Variants in ZBTB20 observed in about 807,000 individuals in gnomAD.
The protein encoded by ZBTB20 is zinc finger and BTB domain-containing protein 20.
ZBTB20 carries 9 observed loss-of-function variants against 56.9 expected under a neutral mutation model. The observed-to-expected ratio is 0.16, with a 90% CI of 0.10 to 0.28. ZBTB20 has a LOEUF of 0.28. Ranked by LOEUF, ZBTB20 falls within the 10% of genes least tolerant of loss-of-function variation. The pLI is 1.00. For synonymous variants in ZBTB20, 417 were observed against 420.7 expected, an observed-to-expected ratio of 0.99 and a Z score of 0.11; for missense variants, 655 against 1,003.0, an observed-to-expected ratio of 0.65 and a Z score of 4.69.
Position 114,350,806 on chromosome 3 carries a change from G to T in ZBTB20, c.1272C>A (p.Asn424Lys), listed in dbSNP as rs780910146. 1.2e-5 allele frequency: 20 copies of T among 1,613,832 alleles called. No homozygotes were observed. Among genetic ancestry groups the T allele is most frequent in the Non-Finnish European group, 1.6e-5 (19 of 1,180,024 alleles). ...GAGAGGAAGCACCTGTTTCTAGCTG[G>T]TTTGTCTGCGGACCACCCTCAGCGG... is the stretch of plus-strand genomic sequence containing the variant. Reference protein sequence around the residue: ...EAPAEGGPQTNQLETGASSPE... With the variant: ...EAPAEGGPQTKQLETGASSPE... The change falls in exon 11 of 12, where the codon AAC (asparagine) becomes AAA (lysine). Residue 424 changes from asparagine to lysine, a missense_variant. Physicochemically the swap from Asn to Lys is moderately conservative, Grantham distance 94. Transcript: ENST00000675478.
intron 1 of ZBTB20, among the ~76,000 whole-genome samples, chr3:115,076,444 T>A (rs1276298533): frequency 2.0e-5 from 3 of 152,092 alleles, no homozygotes; most frequent in African/African-American, 7.2e-5. Flanking sequence ...GTGTCAAGAA[T>A]ACACAATGAG....
chr3:114,372,434 G>C (rs1021592471), intron 10 of ZBTB20, among the ~76,000 whole-genome samples: 1 of 152,144 alleles, frequency 6.6e-6, no homozygotes, highest in Non-Finnish European at 1.5e-5. Flanking sequence ...TTTTATAAGA[G>C]GACAGACTGT....
At chr3:115,146,000 G>C (rs568913298) in intron 1 of ZBTB20, among the ~76,000 whole-genome samples, 1 of 152,190 alleles carries the variant, frequency 6.6e-6, no homozygotes, top group African/African-American at 2.4e-5. Flanking sequence ...CACCCTTTTG[G>C]TATTTTTAAT....
At chr3:114,374,032 TA>T (rs1183101733) in intron 10 of ZBTB20, among the ~76,000 whole-genome samples, 1 of 151,432 alleles carries the variant, frequency 6.6e-6, no homozygotes, top group Non-Finnish European at 1.5e-5. Flanking sequence ...TTAGAGCAAA[TA>T]AAAAAAACGA....
chr3:114,887,732 G>A (rs4682553), intron 4 of ZBTB20, among the ~76,000 whole-genome samples: 58,770 of 151,884 alleles, frequency 0.39, 12,772 homozygotes, highest in East Asian at 0.78. Context: ...AATTTCTGTC[G>A]TTTTTAAGTC....
At chr3:114,800,889 G>A (rs2071654953) in intron 5 of ZBTB20, among the ~76,000 whole-genome samples, 1 of 151,676 alleles carries the variant, frequency 6.6e-6, no homozygotes, top group African/African-American at 2.4e-5. Flanking sequence ...CCAGCCAAAA[G>A]AAAGGATTCA....
chr3:115,118,822 G>A (rs886998255), intron 1 of ZBTB20, among the ~76,000 whole-genome samples: 3 of 143,474 alleles, frequency 2.1e-5, no homozygotes, highest in South Asian at 2.3e-4. Flanking sequence ...CCGGGCTCAC[G>A]CCAAGTACAA....
intron 7 of ZBTB20, among the ~76,000 whole-genome samples, chr3:114,492,531 G>C (rs2042862344): frequency 6.6e-6 from 1 of 151,984 alleles, no homozygotes; most frequent in East Asian, 1.9e-4. Flanking sequence ...TTTTACTTCT[G>C]AATTATCTCT....
intron 1 of ZBTB20, among the ~76,000 whole-genome samples, chr3:115,098,671 T>C (rs1030759964): frequency 6.6e-6 from 1 of 152,158 alleles, no homozygotes; most frequent in South Asian, 2.1e-4. Flanking sequence ...AAAAAGTCTT[T>C]CAGCAGCAAA....
intron 3 of ZBTB20, among the ~76,000 whole-genome samples, chr3:114,955,803 G>A (rs1218930769): frequency 6.6e-6 from 1 of 152,086 alleles, no homozygotes; most frequent in African/African-American, 2.4e-5. Context: ...AAATGGAGGT[G>A]GGGGGTGTAC....
chr3:114,817,771 T>A (rs1268845538), intron 4 of ZBTB20, among the ~76,000 whole-genome samples: 1 of 152,100 alleles, frequency 6.6e-6, no homozygotes, highest in African/African-American at 2.4e-5. Context: ...AATAAATATT[T>A]GTGTGAAATA....
At chr3:115,028,886 T>C (rs896415474) in intron 2 of ZBTB20, among the ~76,000 whole-genome samples, 1 of 150,790 alleles carries the variant, frequency 6.6e-6, no homozygotes, top group African/African-American at 2.4e-5. Flanking sequence ...GTGAAAACAT[T>C]AGTGGTATTC....
chr3:115,048,149 C>G (rs1466281178), intron 2 of ZBTB20, among the ~76,000 whole-genome samples: 3 of 152,108 alleles, frequency 2.0e-5, no homozygotes, highest in Admixed American at 2.0e-4. Context: ...GGCGTGAACC[C>G]GGGAGGCGGA....
chr3:114,846,069 C>T (rs893809532), intron 4 of ZBTB20, among the ~76,000 whole-genome samples: 4 of 152,036 alleles, frequency 2.6e-5, no homozygotes, highest in Admixed American at 6.6e-5. Flanking sequence ...GTTAGATAAA[C>T]ACACAAGAGA....
At chr3:114,945,996 C>T (rs1361128652) in intron 3 of ZBTB20, among the ~76,000 whole-genome samples, 2 of 145,182 alleles carry the variant, frequency 1.4e-5, no homozygotes, top group Admixed American at 1.3e-4. Context: ...TTGTACAAAC[C>T]AATAACATAA....
chr3:114,463,870 C>T (rs1484182519), intron 7 of ZBTB20, among the ~76,000 whole-genome samples: 2 of 152,176 alleles, frequency 1.3e-5, no homozygotes, highest in Non-Finnish European at 2.9e-5. Context: ...AGATAGTTGT[C>T]ATAGTATGTG....
At chr3:114,581,723 T>C (rs1233113339) in intron 6 of ZBTB20, among the ~76,000 whole-genome samples, 3 of 151,936 alleles carry the variant, frequency 2.0e-5, no homozygotes, top group Non-Finnish European at 4.4e-5. Flanking sequence ...TGAGATATTA[T>C]TCAATTCCGA....
At chr3:114,865,512 T>G (rs1448704413) in intron 4 of ZBTB20, among the ~76,000 whole-genome samples, 1 of 152,140 alleles carries the variant, frequency 6.6e-6, no homozygotes, top group East Asian at 1.9e-4. Context: ...TTATAATGGA[T>G]TCCTTCTTGG....
Position 115,005,378 on chromosome 3 carries a change from A to G in ZBTB20, c.-506-30962T>C, listed in dbSNP as rs368328853. ...CCAAATATATCATGAAAACATTTAA[A>G]TGTTTTCCTTTATCTAGGAAATTAT... On this transcript the variant is annotated intron_variant, in intron 2 of 11. Coordinates refer to ENST00000675478, the MANE Select transcript of ZBTB20 (RefSeq NM_001348800.3). 9.2e-5 allele frequency among the ~76,000 whole-genome samples: 14 copies of G among 151,878 alleles called. 1 individual carries two copies. Among genetic ancestry groups the G allele is most frequent in the African/African-American group, 3.4e-4 (14 of 41,496 alleles).
Sources: allele counts gnomAD v4.1 joint callset (sites outside exome capture counted in the v4.1 genomes callset), GRCh38; gene constraint gnomAD v4.1.1; transcripts MANE v1.5; gene names NCBI Gene and HGNC (gene_info 2026-07-23, HGNC 2026-07-21).